Variants in POLK observed in about 807,000 individuals in gnomAD.
POLK encodes the protein DNA polymerase kappa.
POLK carries 76 observed loss-of-function variants against 94.0 expected under a neutral mutation model. That is an observed-to-expected ratio of 0.81 (90% CI 0.67 to 0.98). The LOEUF (loss-of-function observed/expected upper bound fraction) is 0.98. POLK is among the 50% of genes least tolerant of loss of function. POLK has a pLI of 0.00. For missense variants in POLK, 954 were observed against 1,010.1 expected (o/e 0.94, Z 0.75); for synonymous variants, 349 against 325.4 (o/e 1.07, Z -0.78).
At chr5:75,608,917 C>T in the POLK span, 1 of 152,182 alleles carries the variant, frequency 6.6e-6, no homozygotes, top group African/African-American at 2.4e-5. Context: ...AATTAATATT[C>T]TGCTTGAGAA....
intron 12 of POLK, among the ~76,000 whole-genome samples, chr5:75,594,559 G>C (rs898295203): frequency 6.6e-6 from 1 of 152,240 alleles, no homozygotes; most frequent in African/African-American, 2.4e-5. Flanking sequence ...AGCAAATTCA[G>C]TGCATGTAGA....
At chr5:75,552,591 G>C (rs1036427726) in exon 3 of POLK, 4 of 1,597,222 alleles carry the variant, frequency 2.5e-6, no homozygotes, top group Non-Finnish European at 3.4e-6. Context: ...CACAATTACA[G>C]GTATTAATTA....
intron 1 of POLK, among the ~76,000 whole-genome samples, chr5:75,525,361 C>T (rs1220961444): frequency 6.6e-6 from 1 of 152,056 alleles, no homozygotes; most frequent in East Asian, 1.9e-4. Flanking sequence ...CTAAGAAATA[C>T]AATATCTGAA....
In POLK at chr5:75,551,886, C is replaced by T. The variant is rs370625907; in HGVS notation, c.136-586C>T. On this transcript the variant is annotated intron_variant, in intron 2 of 14. Transcript: ENST00000241436. ...CTAGTTACCTACCTGAGAGAAATGA[C>T]AACATATGTCCACATGAAAACTTGT... is the stretch of plus-strand genomic sequence containing the variant. 1.5e-4 allele frequency among the ~76,000 whole-genome samples: 23 copies of T among 152,252 alleles called. No individual in the cohort carries two copies. The East Asian group carries it at 2.3e-3, about 15-fold the overall frequency.
chr5:75,592,710 AAAC>A (rs1372575928), intron 11 of POLK, among the ~76,000 whole-genome samples: 7 of 151,752 alleles, frequency 4.6e-5, no homozygotes, highest in African/African-American at 1.7e-4. Flanking sequence ...ACAAAAAAAA[AAAC>A]AAACAAAAAA....
chr5:75,559,170 T>C (rs946252602), intron 3 of POLK, among the ~76,000 whole-genome samples: 1 of 152,250 alleles, frequency 6.6e-6, no homozygotes, highest in African/African-American at 2.4e-5. Context: ...GTTGTTTTCG[T>C]AGGAAATGTG....
chr5:75,594,930 A>C (rs1772985439), intron 12 of POLK, among the ~76,000 whole-genome samples: 1 of 152,168 alleles, frequency 6.6e-6, no homozygotes, highest in African/African-American at 2.4e-5. Context: ...TATAGCACAC[A>C]CTGAAATCAA....
At chr5:75,547,063 ATCT>A (rs922097167) in exon 2 of POLK, 7 of 1,534,072 alleles carry the variant, frequency 4.6e-6, no homozygotes, top group Admixed American at 3.5e-5. Flanking sequence ...TACAAAGATG[ATCT>A]TCTGCTTAGG....
chr5:75,554,093 A>G (rs1770470948), intron 3 of POLK, among the ~76,000 whole-genome samples: 1 of 152,206 alleles, frequency 6.6e-6, no homozygotes, highest in South Asian at 2.1e-4. Flanking sequence ...TAAACAAGTG[A>G]AAAAGAAGTT....
At chr5:75,527,546 C>A (rs1053742096) in intron 1 of POLK, among the ~76,000 whole-genome samples, 1 of 144,110 alleles carries the variant, frequency 6.9e-6, no homozygotes, top group Non-Finnish European at 1.5e-5. Flanking sequence ...CACACAAGTA[C>A]GTGTGTGTAT....
intron 1 of POLK, among the ~76,000 whole-genome samples, chr5:75,540,794 C>T (rs1420865750): frequency 6.6e-6 from 1 of 152,128 alleles, no homozygotes; most frequent in Non-Finnish European, 1.5e-5. Flanking sequence ...TTTTTGCCGA[C>T]ATCTAGTGCC....
intron 1 of POLK, among the ~76,000 whole-genome samples, chr5:75,520,129 T>G (rs1768499403): frequency 6.6e-6 from 1 of 152,184 alleles, no homozygotes; most frequent in South Asian, 2.1e-4. Context: ...TTATCTTAGA[T>G]AGCAAAGAAA....
chr5:75,600,079 A>G (rs1773263096), exon 15 of POLK: 1 of 152,180 alleles, frequency 6.6e-6, no homozygotes, highest in Non-Finnish European at 1.5e-5. Context: ...CGTATTTGCA[A>G]TATATATAAC....
At chr5:75,540,743 C>T (rs1259841698) in intron 1 of POLK, among the ~76,000 whole-genome samples, 1 of 152,090 alleles carries the variant, frequency 6.6e-6, no homozygotes, top group African/African-American at 2.4e-5. Context: ...TTTACTGAAA[C>T]AAAATTAGTC....
chr5:75,565,979 C>T (rs1382509206), intron 3 of POLK, among the ~76,000 whole-genome samples: 1 of 152,226 alleles, frequency 6.6e-6, no homozygotes, highest in Non-Finnish European at 1.5e-5. Flanking sequence ...GCCCCTTTCC[C>T]CTGGTGCTCT....
chr5:75,539,061 C>T (rs983458558), intron 1 of POLK, among the ~76,000 whole-genome samples: 4 of 152,262 alleles, frequency 2.6e-5, no homozygotes, highest in South Asian at 2.1e-4. Context: ...CATGAGCCAC[C>T]GTGCCCGGCC....
chr5:75,573,757 C>A (rs1771723595), exon 5 of POLK: 1 of 1,612,778 alleles, frequency 6.2e-7, no homozygotes, highest in South Asian at 1.1e-5. Context: ...AATTACCATG[C>A]AAGGAGATTT....
chr5:75,585,050 A>C lies in POLK; in HGVS notation c.1226+124A>C, dbSNP rs1014629262. On this transcript the variant is annotated intron_variant, in intron 9 of 14. Coordinates refer to ENST00000241436, the Ensembl canonical transcript of POLK. The stretch of plus-strand genomic sequence containing the variant: ...TTCTTTCAGGCTAGTTTAATTCAAA[A>C]TATAATGTTTGAATTAGAGTCAACA... 1.9e-5 allele frequency: 13 copies of C among 672,530 alleles called. No individual in the cohort carries two copies. The African/African-American group carries it at 2.0e-4, about 11-fold the overall frequency. The allele number at this position is 672,530 out of a possible 1,614,324, so 41.7% of individuals were successfully genotyped here.
chr5:75,526,748 A>G (rs577398530), intron 1 of POLK, among the ~76,000 whole-genome samples: 20 of 151,718 alleles, frequency 1.3e-4, no homozygotes, highest in Non-Finnish European at 1.6e-4. Context: ...CAACCGGCTA[A>G]TTTTTGTATT....
Sources: allele counts gnomAD v4.1 joint callset (sites outside exome capture counted in the v4.1 genomes callset), GRCh38; gene constraint gnomAD v4.1.1; transcripts MANE v1.5; gene names NCBI Gene and HGNC (gene_info 2026-07-23, HGNC 2026-07-21).